The following GYG1 variants were observed in gnomAD, a reference collection of about 807,000 sequenced individuals.
GYG1 encodes the protein glycogenin 1.
A neutral mutation model predicts 41.9 loss-of-function variants in GYG1; 44 were observed. That is an observed-to-expected ratio of 1.05 (90% CI 0.83 to 1.35). The LOEUF (loss-of-function observed/expected upper bound fraction) is 1.35, where lower values mean the gene tolerates loss of function less well. Among genes scored for constraint, GYG1 ranks in the 40% most tolerant of loss-of-function variants. The pLI is 0.00. For missense variants in GYG1, 429 were observed against 418.9 expected (o/e 1.02, Z -0.21); for synonymous variants, 141 against 158.1 (o/e 0.89, Z 0.81).
At chr3:149,007,350 A>G (rs1713460415) in intron 4 of GYG1, among the ~76,000 whole-genome samples, 1 of 152,246 alleles carries the variant, frequency 6.6e-6, no homozygotes, top group Non-Finnish European at 1.5e-5. Flanking sequence ...ACAGTGAAGC[A>G]TATTCTGTTG....
intron 4 of GYG1, among the ~76,000 whole-genome samples, chr3:148,997,277 A>G (rs1339720865): frequency 6.6e-6 from 1 of 152,212 alleles, no homozygotes; most frequent in Non-Finnish European, 1.5e-5. Context: ...AGAGTTTGAC[A>G]GCCATTCCAG....
At position 148,994,205 on chromosome 3, in the gene GYG1, C is replaced by G. The variant is rs1217273557; in HGVS notation, c.71C>G (p.Ser24Ter). 6.2e-7 allele frequency: 1 copy of G among 1,613,668 alleles called. No individual in the cohort carries two copies. Among genetic ancestry groups the G allele is most frequent in the Admixed American group, 1.7e-5 (1 of 60,024 alleles). ...GCCAAAGGTGCCCTGGTCCTGGGAT[C>G]ATCTCTGAAACAGCACAGGACCACC... ...AYAKGALVLG[S>*]SLKQHRTTRR... The change falls in exon 2 of 8, where the codon TCA becomes TGA. Residue 24 changes from serine to a stop codon, truncating the protein, a stop_gained. Transcript: ENST00000345003. LOFTEE classifies it high-confidence loss of function.
At chr3:149,022,516 T>G (rs1430749040) in intron 5 of GYG1, among the ~76,000 whole-genome samples, 1 of 142,876 alleles carries the variant, frequency 7.0e-6, no homozygotes, top group Non-Finnish European at 1.5e-5. Flanking sequence ...TTTTTTTTTT[T>G]GAGATGGAGT....
chr3:149,016,271 AAAAAACAAAAAAG>A, intron 5 of GYG1, among the ~76,000 whole-genome samples: 1 of 150,832 alleles, frequency 6.6e-6, no homozygotes, highest in East Asian at 1.9e-4. Flanking sequence ...AAAAAAAAAA[AAAAAACAAAAAAG>A]AAAAAAAAAA....
At position 149,024,246 on chromosome 3, in the gene GYG1, A is replaced by G; in HGVS notation, c.802A>G (p.Lys268Glu). The stretch of plus-strand genomic sequence containing the variant: ...TCTGCTTCAACAATTTGGCCTTGTC[A>G]AAGACACCTGCTCATATGTAAATGT... Reference protein sequence around the residue: ...LPLLQQFGLVKDTCSYVNVLS... With the variant: ...LPLLQQFGLVEDTCSYVNVLS... Residue 268 changes from lysine to glutamate, a missense_variant, in exon 6 of 8, where the codon AAA (lysine) becomes GAA (glutamate). By Grantham distance (56) the Lys-to-Glu change is moderately conservative. Transcript: ENST00000345003. The G allele has an allele frequency of 1.9e-6, 3 of 1,608,502 alleles. No individual in the cohort carries two copies. Among genetic ancestry groups the G allele is most frequent in the Non-Finnish European group, 2.6e-6 (3 of 1,174,824 alleles).
Position 149,003,258 on chromosome 3 carries a change from G to C in GYG1, c.482-6018G>C, listed in dbSNP as rs995840540. On this transcript the variant is annotated intron_variant, in intron 4 of 7. Transcript: ENST00000345003. ...AGCCTCCTGAGTAGCTGGGATTACA[G>C]GTGCCTGCCACCATGCGCAGCTAAT... 2.0e-5 allele frequency among the ~76,000 whole-genome samples: 3 copies of C among 152,034 alleles called. No homozygotes were observed. The East Asian group carries it at 5.8e-4, about 30-fold the overall frequency.
chr3:148,995,746 T>G (rs1195485420), intron 2 of GYG1, among the ~76,000 whole-genome samples: 1 of 152,212 alleles, frequency 6.6e-6, no homozygotes, highest in Non-Finnish European at 1.5e-5. Context: ...ATGATACGTT[T>G]TTACCCGTGC....
chr3:149,005,178 T>C (rs1334462557), intron 4 of GYG1, among the ~76,000 whole-genome samples: 1 of 152,126 alleles, frequency 6.6e-6, no homozygotes. Context: ...CCTACACATA[T>C]ATTTTTTTTT....
intron 4 of GYG1, among the ~76,000 whole-genome samples, chr3:148,998,497 G>A (rs1048563026): frequency 1.3e-5 from 2 of 152,208 alleles, no homozygotes; most frequent in African/African-American, 4.8e-5. Flanking sequence ...GTAGTGCTGA[G>A]GTTGCGAAAC....
chr3:149,021,401 T>G (rs924921242), intron 5 of GYG1, among the ~76,000 whole-genome samples: 26 of 152,080 alleles, frequency 1.7e-4, no homozygotes, highest in Admixed American at 1.1e-3. Flanking sequence ...AAATAAAGAG[T>G]AAGCTTGGGG....
At chr3:149,017,582 GTTTT>G (rs58075146) in intron 5 of GYG1, among the ~76,000 whole-genome samples, 64 of 47,350 alleles carry the variant, frequency 1.4e-3, no homozygotes, top group East Asian at 4.4e-3. Flanking sequence ...TTTTATTTAG[GTTTT>G]TTTTTTTTTT....
In GYG1 at chr3:149,030,890, C is replaced by T. The variant is rs1256897137; in HGVS notation, c.*3957C>T. The T allele has an allele frequency of 5.3e-5, 8 of 152,164 alleles. No homozygotes were observed. The highest frequency in any genetic ancestry group is 2.6e-4 in the Admixed American group (4 of 15,282). 9.4% of individuals were successfully genotyped at this position (152,164 alleles called of 1,614,324 possible). ...ATTTGGCATATACCTTCAATGTGTGCCCTATAACACAACATTGTCTCCGAT... is the reference window on the plus strand; with the variant it reads ...ATTTGGCATATACCTTCAATGTGTGTCCTATAACACAACATTGTCTCCGAT... On this transcript the variant is annotated 3_prime_UTR_variant, in exon 8 of 8. Transcript: ENST00000345003.
At position 148,994,294 on chromosome 3, in the gene GYG1, C is replaced by A; in HGVS notation, c.143+17C>A. 1 of 1,613,448 alleles carries A rather than the reference C, an allele frequency of 6.2e-7. No homozygotes were observed. Among genetic ancestry groups the A allele is most frequent in the Non-Finnish European group, 8.5e-7 (1 of 1,179,424 alleles). ...CTCCATGAGGTGAGGACCTCGCTGC[C>A]ACCCCAGCATCCAAGGGGCTCTGAC... On this transcript the variant is annotated intron_variant, in intron 2 of 7. Coordinates refer to ENST00000345003, the MANE Select transcript of GYG1 (RefSeq NM_004130.4).
intron 1 of GYG1, 53 bp from the exon 2 acceptor site, chr3:148,994,089 G>T: frequency 6.6e-7 from 1 of 1,525,676 alleles, no homozygotes; most frequent in East Asian, 2.3e-5. Context: ...TGGGGAAAAG[G>T]CTTTCTCCAG....
chr3:149,015,479 C>G (rs1047518079), intron 5 of GYG1, among the ~76,000 whole-genome samples: 2 of 152,150 alleles, frequency 1.3e-5, no homozygotes, highest in Non-Finnish European at 2.9e-5. Context: ...AGTGGGAACT[C>G]AGGGAAGTGT....
At chr3:149,002,726 T>C (rs1002660535) in intron 4 of GYG1, among the ~76,000 whole-genome samples, 2 of 152,134 alleles carry the variant, frequency 1.3e-5, no homozygotes, top group African/African-American at 4.8e-5. Context: ...GGAAGTTAGT[T>C]TTAAAAAGAA....
chr3:148,995,737 T>C (rs1038732866), intron 2 of GYG1, among the ~76,000 whole-genome samples: 12 of 152,250 alleles, frequency 7.9e-5, no homozygotes, highest in African/African-American at 2.9e-4. Context: ...ACTTTCAGTA[T>C]GATACGTTTT....
chr3:149,029,482 T>C lies in GYG1; in HGVS notation c.*2549T>C, dbSNP rs577880442. On this transcript the variant is annotated 3_prime_UTR_variant, in exon 8 of 8. Transcript: ENST00000345003. ...AGTAAATGTTTGTTTACCTTAATTCTCCTTATACCCATATTGTCCTGCTGT... is the reference window on the plus strand; with the variant it reads ...AGTAAATGTTTGTTTACCTTAATTCCCCTTATACCCATATTGTCCTGCTGT... Among the ~76,000 whole-genome samples the C allele has an allele frequency of 8.6e-5, 13 of 151,850 alleles. No homozygotes were observed. Among genetic ancestry groups the C allele is most frequent in the African/African-American group, 3.2e-4 (13 of 41,144 alleles).
At chr3:149,012,676 G>A (rs1224360106) in intron 5 of GYG1, among the ~76,000 whole-genome samples, 14 of 151,638 alleles carry the variant, frequency 9.2e-5, no homozygotes, top group Middle Eastern at 3.4e-3. Flanking sequence ...TTATCACTTC[G>A]AATGACTACT....
Sources: allele counts gnomAD v4.1 joint callset (sites outside exome capture counted in the v4.1 genomes callset), GRCh38; gene constraint gnomAD v4.1.1; transcripts MANE v1.5; gene names NCBI Gene and HGNC (gene_info 2026-07-23, HGNC 2026-07-21).